Variants in ADGRB3 observed in about 807,000 individuals in gnomAD.
ADGRB3 encodes brain-specific angiogenesis inhibitor 3.
ADGRB3 carries 37 observed loss-of-function variants against 193.4 expected under a neutral mutation model. That is an observed-to-expected ratio of 0.19 (90% CI 0.15 to 0.25). The LOEUF (loss-of-function observed/expected upper bound fraction) is 0.25, where lower values mean the gene tolerates loss of function less well. ADGRB3 is among the 10% of genes least tolerant of loss of function. The pLI is 1.00. For missense variants in ADGRB3, 1,637 were observed against 1,852.9 expected (o/e 0.88, Z 2.14); for synonymous variants, 690 against 644.2 (o/e 1.07, Z -1.08).
intron 26 of ADGRB3, among the ~76,000 whole-genome samples, chr6:69,340,204 C>A (rs1352079260): frequency 6.6e-6 from 1 of 152,110 alleles, no homozygotes; most frequent in Non-Finnish European, 1.5e-5. Context: ...AGTCATATTT[C>A]ATGAATGCAG....
At chr6:69,354,463 C>CTCTG in intron 27 of ADGRB3, 135 bp downstream of exon 27, 1 of 693,090 alleles carries the variant, frequency 1.4e-6, no homozygotes. Flanking sequence ...AGACTGTGAA[C>CTCTG]TCTGGTACCA....
At chr6:68,748,192 A>G (rs1285495368) in intron 3 of ADGRB3, among the ~76,000 whole-genome samples, 2 of 152,048 alleles carry the variant, frequency 1.3e-5, no homozygotes, top group African/African-American at 4.8e-5. Context: ...TCTAAATCTC[A>G]TGTCCTCACT....
chr6:69,040,345 C>CTTTCTTTCTTTCTTTCT lies in ADGRB3; in HGVS notation c.2108-7837_2108-7821dup, dbSNP rs1554251259. ...TCTTTCTTTCTTTCTTTCTTTCTTT[C>CTTTCTTTCTTTCTTTCT]TTTCTTTCTTTCTTTCTTTCTTTCT... On this transcript the variant is annotated intron_variant, in intron 13 of 31. Coordinates refer to ENST00000370598, the MANE Select transcript of ADGRB3 (RefSeq NM_001704.3). Among the ~76,000 whole-genome samples the CTTTCTTTCTTTCTTTCT allele has an allele frequency of 7.3e-4, 38 of 51,976 alleles. 3 individuals are homozygous for CTTTCTTTCTTTCTTTCT. Among genetic ancestry groups the CTTTCTTTCTTTCTTTCT allele is most frequent in the Non-Finnish European group, 1.4e-3 (34 of 24,952 alleles). The allele number at this position is 51,976 out of a possible 152,430, so 34.1% of individuals were successfully genotyped here. A position where few individuals can be genotyped will look rare whatever the true frequency, so the allele number is the denominator to read the frequency against.
intron 17 of ADGRB3, among the ~76,000 whole-genome samples, chr6:69,105,912 G>T (rs1773195657): frequency 6.6e-6 from 1 of 151,956 alleles, no homozygotes; most frequent in Non-Finnish European, 1.5e-5. Context: ...AGGCGGGTGG[G>T]TCACCTGAGG....
At chr6:68,835,254 T>C (rs1184124489) in intron 3 of ADGRB3, among the ~76,000 whole-genome samples, 1 of 152,124 alleles carries the variant, frequency 6.6e-6, no homozygotes, top group Non-Finnish European at 1.5e-5. Context: ...TCACAGAGGG[T>C]CTAGGCGATT....
intron 3 of ADGRB3, among the ~76,000 whole-genome samples, chr6:68,747,996 G>GCTC (rs1766118452): frequency 6.6e-6 from 1 of 152,124 alleles, no homozygotes. Flanking sequence ...TGGAAACCCA[G>GCTC]ATAAACACAT....
At chr6:68,680,007 T>TTACAAAAG (rs1764855925) in intron 3 of ADGRB3, among the ~76,000 whole-genome samples, 2 of 152,092 alleles carry the variant, frequency 1.3e-5, no homozygotes, top group Admixed American at 6.6e-5. Context: ...ATTAGCGCCC[T>TTACAAAAG]TACAAAAGTG....
At chr6:69,317,366 C>G (rs896816417) in intron 20 of ADGRB3, among the ~76,000 whole-genome samples, 3 of 151,386 alleles carry the variant, frequency 2.0e-5, no homozygotes, top group African/African-American at 7.3e-5. Flanking sequence ...CTTGTTCCTG[C>G]TTGTACACCT....
intron 13 of ADGRB3, among the ~76,000 whole-genome samples, chr6:69,028,936 C>A (rs190476775): frequency 1.3e-5 from 2 of 152,264 alleles, no homozygotes; most frequent in Non-Finnish European, 2.9e-5. Context: ...AATGTTTTCA[C>A]AAATATTCAT....
At chr6:69,113,556 AAG>A (rs1390902789) in intron 17 of ADGRB3, among the ~76,000 whole-genome samples, 2 of 152,134 alleles carry the variant, frequency 1.3e-5, no homozygotes, top group African/African-American at 4.8e-5. Context: ...AAGTGGGAAA[AAG>A]AAAATTTCAT....
In ADGRB3 at chr6:69,333,936, C is replaced by CAAAATAAAATAAAATAAAATAAAAT. The variant is rs70987461; in HGVS notation, c.3188+988_3188+1012dup. Reference sequence around the variant, plus strand: ...CAGAGCGAGACTCTGTCTCAAAAAACAAAATAAAATAAAATAAAATAAAAT... The same window carrying CAAAATAAAATAAAATAAAATAAAAT: ...CAGAGCGAGACTCTGTCTCAAAAAACAAAATAAAATAAAATAAAATAAAATAAAATAAAATAAAATAAAATAAAAT... On this transcript the variant is annotated intron_variant, in intron 24 of 31. Coordinates refer to ENST00000370598, the MANE Select transcript of ADGRB3 (RefSeq NM_001704.3). Among the ~76,000 whole-genome samples the CAAAATAAAATAAAATAAAATAAAAT allele has an allele frequency of 1.8e-5, 2 of 110,458 alleles. 1 individual carries two copies. The highest frequency in any genetic ancestry group is 3.7e-5 in the Non-Finnish European group (2 of 53,710). 72.5% of individuals were successfully genotyped at this position (110,458 alleles called of 152,430 possible).
chr6:68,969,662 C>G (rs574458681), intron 8 of ADGRB3, among the ~76,000 whole-genome samples: 1 of 152,298 alleles, frequency 6.6e-6, no homozygotes, highest in East Asian at 1.9e-4. Flanking sequence ...AGCTCCTCAA[C>G]TCAGAAAGCA....
intron 17 of ADGRB3, among the ~76,000 whole-genome samples, chr6:69,136,545 T>A (rs1662336959): frequency 6.6e-6 from 1 of 152,180 alleles, no homozygotes; most frequent in South Asian, 2.1e-4. Flanking sequence ...TGCTTCTATA[T>A]GTCTATATAT....
chr6:68,679,261 T>G (rs561933746), intron 3 of ADGRB3, among the ~76,000 whole-genome samples: 51 of 152,222 alleles, frequency 3.4e-4, no homozygotes, highest in Non-Finnish European at 6.8e-4. Context: ...TTCTTGCTCA[T>G]GTAACAGTTC....
intron 3 of ADGRB3, among the ~76,000 whole-genome samples, chr6:68,820,817 T>G (rs999904209): frequency 1.3e-5 from 2 of 152,082 alleles, no homozygotes; most frequent in Non-Finnish European, 2.9e-5. Flanking sequence ...GTGCCTGGAA[T>G]AGTTCTGGAT....
rs370124136 is a variant in ADGRB3 at position 69,143,039 on chromosome 6, C to T, written c.2480+67001C>T. ...TGCCTTTTCTCCACATCCTAGCCAG[C>T]ATTTGTTATTGCCTGTCTTTTGGAT... On this transcript the variant is annotated intron_variant, in intron 17 of 31. Transcript: ENST00000370598. Among the ~76,000 whole-genome samples, 107 of 152,262 alleles carry T rather than the reference C, an allele frequency of 7.0e-4. 1 individual carries two copies. The South Asian group carries it at 0.017, about 25-fold the overall frequency.
chr6:69,295,643 C>T (rs1423017086), intron 20 of ADGRB3, among the ~76,000 whole-genome samples: 1 of 152,176 alleles, frequency 6.6e-6, no homozygotes, highest in African/African-American at 2.4e-5. Flanking sequence ...CATGTCACTA[C>T]CACCTCTACG....
intron 11 of ADGRB3, among the ~76,000 whole-genome samples, chr6:69,013,249 A>G (rs538126893): frequency 3.2e-4 from 48 of 152,226 alleles, no homozygotes; most frequent in East Asian, 1.2e-3. Context: ...CTCTCTGTCA[A>G]TGTGTCCATT....
intron 17 of ADGRB3, among the ~76,000 whole-genome samples, chr6:69,221,111 A>G (rs1219141479): frequency 6.6e-6 from 1 of 152,126 alleles, no homozygotes; most frequent in Admixed American, 6.6e-5. Context: ...TAAAACATTT[A>G]TATAAATTTT....
Sources: allele counts gnomAD v4.1 joint callset (sites outside exome capture counted in the v4.1 genomes callset), GRCh38; gene constraint gnomAD v4.1.1; transcripts MANE v1.5; gene names NCBI Gene and HGNC (gene_info 2026-07-23, HGNC 2026-07-21).